LRP6: variants seen among roughly 807,000 people sequenced by gnomAD.
LRP6 encodes the protein LDL receptor related protein 6.
LRP6 carries 43 observed loss-of-function variants against 184.1 expected under a neutral mutation model. The observed-to-expected ratio is 0.23, with a 90% CI of 0.18 to 0.30. The LOEUF is 0.30. Among genes scored for constraint, LRP6 ranks in the 10% least tolerant of loss-of-function variants. The probability of loss-of-function intolerance (pLI) is 1.00; values close to 1 mark genes in which losing one functional copy is unlikely to be tolerated. For synonymous variants in LRP6, 719 were observed against 684.9 expected (o/e 1.05, Z -0.78); for missense variants, 1,571 against 2,005.3 (o/e 0.78, Z 4.14).
chr12:12,129,460 T>G (rs1029237707), intron 19 of LRP6, among the ~76,000 whole-genome samples: 3 of 152,214 alleles, frequency 2.0e-5, no homozygotes, highest in East Asian at 1.9e-4. Context: ...GTTTCACTCT[T>G]TTCTGCTTTT....
chr12:12,179,994 ACAAAAAATGAG>A lies in LRP6; in HGVS notation c.1374-24_1374-14del. On this transcript the variant is annotated splice_polypyrimidine_tract_variant and intron_variant, in intron 6 of 22. Transcript: ENST00000261349. ...CCAATACATGTACCTAGAGAAGTAT[ACAAAAAATGAG>A]CTAAAAATAGATAATAAAATGTAAC... 1 of 1,609,172 alleles carries A rather than the reference ACAAAAAATGAG, an allele frequency of 6.2e-7. No homozygotes were observed. The highest frequency in any genetic ancestry group is 8.5e-7 in the Non-Finnish European group (1 of 1,175,612).
intron 2 of LRP6, among the ~76,000 whole-genome samples, chr12:12,238,921 A>G (rs907516844): frequency 1.3e-5 from 2 of 152,170 alleles, no homozygotes; most frequent in African/African-American, 4.8e-5. Context: ...AAGTAATTCA[A>G]CTCGTAAAAA....
At chr12:12,139,787 G>C (rs1949903762) in intron 15 of LRP6, among the ~76,000 whole-genome samples, 1 of 152,124 alleles carries the variant, frequency 6.6e-6, no homozygotes, top group East Asian at 1.9e-4. Flanking sequence ...GGACAAAGAA[G>C]GCAGAAGAAC....
At chr12:12,242,491 C>A (rs1398116761) in intron 2 of LRP6, among the ~76,000 whole-genome samples, 1 of 152,194 alleles carries the variant, frequency 6.6e-6, no homozygotes, top group East Asian at 1.9e-4. Context: ...CGACTACAAG[C>A]ACCAAAATCC....
chr12:12,159,183 G>T, intron 11 of LRP6, 28 bp from the exon 12 acceptor site: 1 of 1,543,536 alleles, frequency 6.5e-7, no homozygotes, highest in Non-Finnish European at 9.0e-7. Flanking sequence ...GTAGACAGGG[G>T]AGAAGCAGAG....
At chr12:12,137,709 G>A (rs1004984430) in intron 16 of LRP6, among the ~76,000 whole-genome samples, 1 of 151,860 alleles carries the variant, frequency 6.6e-6, no homozygotes, top group Non-Finnish European at 1.5e-5. Flanking sequence ...TATTCCCAAA[G>A]GAACTGAAGG....
intron 1 of LRP6, among the ~76,000 whole-genome samples, chr12:12,260,024 T>C (rs558248559): frequency 1.3e-5 from 2 of 152,326 alleles, no homozygotes; most frequent in African/African-American, 4.8e-5. Flanking sequence ...ATTTGAACTG[T>C]CTGTTCTGTA....
rs369348513 is a variant in LRP6 at position 12,159,976 on chromosome 12, A to T, written c.2280-12T>A. On this transcript the variant is annotated splice_polypyrimidine_tract_variant and intron_variant, in intron 10 of 22. Transcript: ENST00000261349. Reference sequence around the variant, plus strand: ...TCCAATACATAAATCTAAATTCAAAATAATAAATATTTAACATTTCAATTT... The same window carrying T: ...TCCAATACATAAATCTAAATTCAAATTAATAAATATTTAACATTTCAATTT... The T allele has an allele frequency of 9.5e-6, 15 of 1,574,940 alleles. No individual in the cohort carries two copies. In the African/African-American group the frequency reaches 1.6e-4, roughly 17 times the overall value.
At chr12:12,207,827 T>A (rs905757555) in intron 2 of LRP6, among the ~76,000 whole-genome samples, 15 of 152,146 alleles carry the variant, frequency 9.9e-5, no homozygotes, top group African/African-American at 3.6e-4. Flanking sequence ...CATAAACAGG[T>A]CCACAGGAAA....
chr12:12,147,289 T>C (rs1408395329), intron 15 of LRP6, 77 bp downstream of exon 15: 4 of 1,509,324 alleles, frequency 2.7e-6, no homozygotes, highest in Non-Finnish European at 2.8e-6. Flanking sequence ...CCAAAAACAA[T>C]ACGATGCAAG....
chr12:12,188,389 A>T (rs1863531424), intron 3 of LRP6, among the ~76,000 whole-genome samples: 1 of 152,116 alleles, frequency 6.6e-6, no homozygotes, highest in Non-Finnish European at 1.5e-5. Flanking sequence ...GGAAAGAAAA[A>T]TGAAGGGAAA....
chr12:12,127,437 T>C (rs1949687745), intron 19 of LRP6, among the ~76,000 whole-genome samples: 1 of 152,196 alleles, frequency 6.6e-6, no homozygotes. Flanking sequence ...TAGTGACATT[T>C]AGGCCTGATG....
chr12:12,165,363 TCCAACTG>T (rs1411740397), intron 7 of LRP6, 68 bp from the exon 8 acceptor site: 12 of 1,067,352 alleles, frequency 1.1e-5, no homozygotes, highest in Non-Finnish European at 1.6e-5. Context: ...AAATAACAAA[TCCAACTG>T]CCTGTTGTAT....
intron 3 of LRP6, chr12:12,187,606 G>C (rs751636747): frequency 5.3e-6 from 1 of 189,088 alleles, no homozygotes; most frequent in Non-Finnish European, 1.1e-5. Context: ...AAGAACCTGA[G>C]CCTGTTTTGT....
At chr12:12,140,872 G>A (rs1220509801) in intron 15 of LRP6, among the ~76,000 whole-genome samples, 1 of 152,046 alleles carries the variant, frequency 6.6e-6, no homozygotes, top group Non-Finnish European at 1.5e-5. Context: ...AAAGTGCTGG[G>A]ATTACAGGCG....
chr12:12,195,459 G>T (rs954685156), intron 3 of LRP6, among the ~76,000 whole-genome samples: 1 of 152,064 alleles, frequency 6.6e-6, no homozygotes, highest in Non-Finnish European at 1.5e-5. Context: ...GTGATGTTGA[G>T]CATTTTTTCA....
At chr12:12,145,124 T>G (rs1273387888) in intron 15 of LRP6, among the ~76,000 whole-genome samples, 3 of 152,020 alleles carry the variant, frequency 2.0e-5, no homozygotes, top group Non-Finnish European at 4.4e-5. Context: ...AAGGTGAATT[T>G]TGGAAAAAAC....
intron 2 of LRP6, among the ~76,000 whole-genome samples, chr12:12,221,146 T>C (rs1864477833): frequency 6.6e-6 from 1 of 152,224 alleles, no homozygotes; most frequent in Non-Finnish European, 1.5e-5. Context: ...GACCCTTCTT[T>C]CTGTACACAC....
At chr12:12,215,854 A>T (rs1052313693) in intron 2 of LRP6, among the ~76,000 whole-genome samples, 7 of 151,682 alleles carry the variant, frequency 4.6e-5, no homozygotes, top group African/African-American at 1.7e-4. Context: ...TCTACTAAAA[A>T]TACAAAAATT....
Sources: allele counts gnomAD v4.1 joint callset (sites outside exome capture counted in the v4.1 genomes callset), GRCh38; gene constraint gnomAD v4.1.1; transcripts MANE v1.5; gene names NCBI Gene and HGNC (gene_info 2026-07-23, HGNC 2026-07-21).